The following MYO1E variants were observed in gnomAD, a reference collection of about 807,000 sequenced individuals.
MYO1E encodes myosin IE.
In MYO1E, 68 loss-of-function variants were observed where a neutral mutation model predicts 151.1. The observed-to-expected ratio is 0.45, with a 90% CI of 0.37 to 0.55. The LOEUF is 0.55. Ranked by LOEUF, MYO1E falls within the 20% of genes least tolerant of loss-of-function variation. The pLI is 0.00. For missense variants in MYO1E, 1,363 were observed against 1,389.3 expected (o/e 0.98, Z 0.30); for synonymous variants, 601 against 501.7 (o/e 1.20, Z -2.64).
At chr15:59,305,802 G>C (rs1225651864) in intron 1 of MYO1E, among the ~76,000 whole-genome samples, 2 of 152,144 alleles carry the variant, frequency 1.3e-5, no homozygotes, top group Non-Finnish European at 2.9e-5. Context: ...ATGTAGTTTA[G>C]ATGTGGCCGT....
chr15:59,142,933 A>G (rs1216882364), intron 26 of MYO1E, among the ~76,000 whole-genome samples: 1 of 151,798 alleles, frequency 6.6e-6, no homozygotes, highest in African/African-American at 2.4e-5. Flanking sequence ...AAAAAAAAAA[A>G]AAAAAAAAAG....
chr15:59,304,275 G>A (rs193081595), intron 1 of MYO1E, among the ~76,000 whole-genome samples: 8 of 152,206 alleles, frequency 5.3e-5, no homozygotes, highest in East Asian at 1.9e-4. Flanking sequence ...GAGCCACTGC[G>A]GCCCGCCTAT....
chr15:59,190,768 TA>T (rs1566974569), intron 17 of MYO1E, among the ~76,000 whole-genome samples: 1 of 152,210 alleles, frequency 6.6e-6, no homozygotes, highest in Non-Finnish European at 1.5e-5. Flanking sequence ...CACGAGCATG[TA>T]AAGCTGTTAT....
rs968397428 is a variant in MYO1E, at chr15:59,337,252, T to A, written c.3+35246A>T. On this transcript the variant is annotated intron_variant, in intron 1 of 27. Transcript: ENST00000288235. ...CAGGGCTCCACACTCTAAATTTCTATTGAATAATTTTTAAGTTTCCTAAGT... is the reference window on the plus strand; with the variant it reads ...CAGGGCTCCACACTCTAAATTTCTAATGAATAATTTTTAAGTTTCCTAAGT... Among the ~76,000 whole-genome samples the A allele has an allele frequency of 3.3e-5, 5 of 152,308 alleles. No homozygotes were observed. The East Asian group carries it at 5.8e-4, about 18-fold the overall frequency.
At chr15:59,278,968 G>A (rs561673540) in intron 1 of MYO1E, among the ~76,000 whole-genome samples, 1 of 152,172 alleles carries the variant, frequency 6.6e-6, no homozygotes, top group East Asian at 1.9e-4. Flanking sequence ...GTGGAAAAGT[G>A]CACTGAGGGG....
At chr15:59,156,476 C>A (rs895912333) in intron 25 of MYO1E, among the ~76,000 whole-genome samples, 2 of 152,152 alleles carry the variant, frequency 1.3e-5, no homozygotes, top group African/African-American at 2.4e-5. Context: ...TGAGCCACTG[C>A]GCCTGGCTGC....
At chr15:59,356,395 A>G (rs1304486493) in intron 1 of MYO1E, among the ~76,000 whole-genome samples, 1 of 152,158 alleles carries the variant, frequency 6.6e-6, no homozygotes, top group African/African-American at 2.4e-5. Context: ...GCTTTCACCT[A>G]TTCATTCACT....
chr15:59,330,665 A>G (rs1327224941), intron 1 of MYO1E, among the ~76,000 whole-genome samples: 4 of 152,234 alleles, frequency 2.6e-5, no homozygotes, highest in Non-Finnish European at 4.4e-5. Context: ...ATTTAATATT[A>G]TAAGTGCACC....
At chr15:59,286,636 C>T (rs1037017232) in intron 1 of MYO1E, among the ~76,000 whole-genome samples, 7 of 152,072 alleles carry the variant, frequency 4.6e-5, no homozygotes, top group Admixed American at 1.3e-4. Flanking sequence ...TATAGGGATA[C>T]GGAGTCCAGG....
intron 1 of MYO1E, among the ~76,000 whole-genome samples, chr15:59,328,084 G>C (rs967562587): frequency 3.9e-5 from 6 of 152,238 alleles, no homozygotes; most frequent in Non-Finnish European, 7.3e-5. Flanking sequence ...CTCCATGGTG[G>C]GGGGGTTCCC....
intron 18 of MYO1E, among the ~76,000 whole-genome samples, chr15:59,179,949 C>T (rs573636462): frequency 1.9e-4 from 29 of 152,356 alleles, no homozygotes; most frequent in Non-Finnish European, 2.6e-4. Flanking sequence ...AGGCCTTGAG[C>T]GAAGCCAGGG....
intron 7 of MYO1E, among the ~76,000 whole-genome samples, chr15:59,226,801 T>C (rs763621940): frequency 1.3e-4 from 20 of 152,142 alleles, no homozygotes; most frequent in Non-Finnish European, 2.5e-4. Flanking sequence ...AGCAAGACAC[T>C]GTCTCAAATA....
intron 17 of MYO1E, among the ~76,000 whole-genome samples, chr15:59,191,369 A>AGAGAGAGAGAGAGAGAGAGAG (rs36017033): frequency 7.4e-6 from 1 of 135,648 alleles, no homozygotes; most frequent in Non-Finnish European, 1.7e-5. Context: ...AGAGAGAGAG[A>AGAGAGAGAGAGAGAGAGAGAG]AAGAAATGTC....
At chr15:59,143,403 G>A (rs2079422671) in intron 26 of MYO1E, among the ~76,000 whole-genome samples, 1 of 152,168 alleles carries the variant, frequency 6.6e-6, no homozygotes, top group South Asian at 2.1e-4. Context: ...GCATTAGGAA[G>A]GGCAACACTG....
Position 59,210,611 on chromosome 15 carries a change from G to C in MYO1E, c.1276-11C>G. The C allele has an allele frequency of 1.3e-6, 2 of 1,551,860 alleles. No individual in the cohort carries two copies. The highest frequency in any genetic ancestry group is 1.8e-6 in the Non-Finnish European group (2 of 1,123,396). ...TTGAACATATTCTTCCTGTAACACA[G>C]AGACAAGGAACTCACATTATTTCCC... On this transcript the variant is annotated splice_polypyrimidine_tract_variant and intron_variant, in intron 12 of 27. Transcript: ENST00000288235.
chr15:59,231,581 G>C (rs1281091310), intron 6 of MYO1E, 121 bp downstream of exon 6: 1 of 1,074,122 alleles, frequency 9.3e-7, no homozygotes, highest in Non-Finnish European at 1.4e-6. Context: ...AGGAAAGATC[G>C]AAGAGGTGGC....
intron 1 of MYO1E, among the ~76,000 whole-genome samples, chr15:59,328,168 A>C (rs1210357528): frequency 6.6e-6 from 1 of 152,218 alleles, no homozygotes; most frequent in African/African-American, 2.4e-5. Flanking sequence ...TGACAGATTA[A>C]CTGGGCAGCA....
At chr15:59,372,281 C>T (rs112169222) in intron 1 of MYO1E, among the ~76,000 whole-genome samples, 5 of 152,266 alleles carry the variant, frequency 3.3e-5, no homozygotes, top group Admixed American at 1.3e-4. Flanking sequence ...GACGCAGAAA[C>T]CGACTTGGAA....
At chr15:59,267,067 C>A (rs1196361680) in intron 2 of MYO1E, among the ~76,000 whole-genome samples, 1 of 141,582 alleles carries the variant, frequency 7.1e-6, no homozygotes, top group East Asian at 2.1e-4. Context: ...TGCTCTGTCA[C>A]CAGGCCGGAG....
Sources: allele counts gnomAD v4.1 joint callset (sites outside exome capture counted in the v4.1 genomes callset), GRCh38; gene constraint gnomAD v4.1.1; transcripts MANE v1.5; gene names NCBI Gene and HGNC (gene_info 2026-07-23, HGNC 2026-07-21).